The following TPM4 variants were observed in gnomAD, a reference collection of about 807,000 sequenced individuals.
TPM4 encodes the protein tropomyosin alpha-4 chain.
A neutral mutation model predicts 35.8 loss-of-function variants in TPM4; 17 were observed. The observed-to-expected ratio is 0.47, with a 90% CI of 0.32 to 0.71. The LOEUF (loss-of-function observed/expected upper bound fraction) is 0.71. TPM4 is among the 30% of genes least tolerant of loss of function. The pLI, the probability that TPM4 is intolerant of heterozygous loss-of-function variation, is 0.03. For missense variants in TPM4, 240 were observed against 320.9 expected (o/e 0.75, Z 1.93); for synonymous variants, 120 against 122.9 (o/e 0.98, Z 0.15).
chr19:16,067,719 C>T lies in TPM4; in HGVS notation c.95C>T (p.Ala32Val). ...CAGGCGGAGGCGGATAAGAAAGCCGCTGAGGACAAGTGCAAGCAGGTGAGG... is the reference window on the plus strand; with the variant it reads ...CAGGCGGAGGCGGATAAGAAAGCCGTTGAGGACAAGTGCAAGCAGGTGAGG... Residue 32 changes from alanine (A) to valine (V), a missense_variant, in exon 2 of 3, where the codon GCT becomes GTT. Transcript: ENST00000589897. This position sits in a 1 kb window ranked among gnomAD's most constrained non-coding sequence, Gnocchi z 4.1. 6 of 1,613,102 alleles carry T rather than the reference C, an allele frequency of 3.7e-6. No individual in the cohort carries two copies. Among genetic ancestry groups the T allele is most frequent in the Non-Finnish European group, 5.1e-6 (6 of 1,179,786 alleles).
chr19:16,076,875 C>T (rs560605310), intron 1 of TPM4, 178 bp downstream of exon 1: 3 of 1,217,560 alleles, frequency 2.5e-6, no homozygotes, highest in African/African-American at 3.2e-5. Context: ...CTACTTCCTC[C>T]GCCGTCCTCC....
At chr19:16,071,117 T>C (rs1381293618) in intron 2 of TPM4, among the ~76,000 whole-genome samples, 1 of 152,170 alleles carries the variant, frequency 6.6e-6, no homozygotes, top group Non-Finnish European at 1.5e-5. Flanking sequence ...AGACTTGGGC[T>C]CAAAGCAAGT....
chr19:16,080,235 C>G (rs1407648108), intron 1 of TPM4: 1 of 203,646 alleles, frequency 4.9e-6, no homozygotes, highest in Non-Finnish European at 1.0e-5. Context: ...AGAGGCCATT[C>G]ATTTCTTACC....
chr19:16,090,532 T>A (rs990463847), intron 5 of TPM4, among the ~76,000 whole-genome samples: 1 of 151,594 alleles, frequency 6.6e-6, no homozygotes, highest in African/African-American at 2.4e-5. Flanking sequence ...GGGATTACTT[T>A]GGGAGGCCGC....
intron 1 of TPM4, chr19:16,080,894 A>G (rs2144927795): frequency 2.5e-6 from 1 of 396,488 alleles, no homozygotes; most frequent in East Asian, 3.6e-5. Flanking sequence ...AATGCTTCCC[A>G]TTGTACTTCC....
At chr19:16,083,330 C>T (rs2090507824) in intron 2 of TPM4, among the ~76,000 whole-genome samples, 1 of 152,022 alleles carries the variant, frequency 6.6e-6, no homozygotes, top group African/African-American at 2.4e-5. Flanking sequence ...TGTAATCCCA[C>T]CTACTCAGGA....
intron 5 of TPM4, 85 bp from the exon 6 acceptor site, chr19:16,093,451 C>T: frequency 6.6e-7 from 1 of 1,513,884 alleles, no homozygotes; most frequent in African/African-American, 1.4e-5. Context: ...GCCTCAGGCT[C>T]CCAAAGTGCC....
chr19:16,086,305 G>T lies in TPM4; in HGVS notation c.267-118G>T, dbSNP rs550857006. Reference sequence around the variant, plus strand: ...GTGGAGGTTGCAGTGAGCTGAGATCGTGCCACTGCACTCCAGCCTGGATGA... The same window carrying T: ...GTGGAGGTTGCAGTGAGCTGAGATCTTGCCACTGCACTCCAGCCTGGATGA... On this transcript the variant is annotated intron_variant, in intron 2 of 7. Transcript: ENST00000643579. 4.7e-6 allele frequency: 4 copies of T among 849,328 alleles called. No homozygotes were observed. The African/African-American group carries it at 7.0e-5, about 15-fold the overall frequency. The allele number at this position is 849,328 out of a possible 1,614,324, so 52.6% of individuals were successfully genotyped here. A position where few individuals can be genotyped will look rare whatever the true frequency, so the allele number is the denominator to read the frequency against.
At chr19:16,079,030 G>T (rs1235885341) in intron 1 of TPM4, among the ~76,000 whole-genome samples, 2 of 152,086 alleles carry the variant, frequency 1.3e-5, no homozygotes, top group African/African-American at 4.8e-5. Context: ...CGTGTGGAAG[G>T]CTTTGATTGC....
chr19:16,070,386 C>A lies in TPM4; in HGVS notation c.114+2648C>A, dbSNP rs925839739. Among the ~76,000 whole-genome samples the A allele has an allele frequency of 3.9e-5, 6 of 152,160 alleles. No individual in the cohort carries two copies. Among genetic ancestry groups the A allele is most frequent in the African/African-American group, 1.4e-4 (6 of 41,420 alleles). On this transcript the variant is annotated intron_variant, in intron 2 of 2. Transcript: ENST00000589897. The surrounding 1 kb of genome is among the most constrained non-coding windows in gnomAD (Gnocchi z 7.4). ...ATGTTCCCCACAATGTTTATCCACA[C>A]CCCGATGTCAACTGCCAAGCCCTGG...
chr19:16,098,483 A>C (rs1379935777), intron 7 of TPM4, among the ~76,000 whole-genome samples: 1 of 152,150 alleles, frequency 6.6e-6, no homozygotes, highest in African/African-American at 2.4e-5. Flanking sequence ...GATTAGCACT[A>C]TGGAGGTCTA....
At chr19:16,088,225 G>T in intron 4 of TPM4, 128 bp downstream of exon 4, 2 of 1,441,034 alleles carry the variant, frequency 1.4e-6, no homozygotes, top group African/African-American at 1.4e-5. Flanking sequence ...AGGGGCTCAT[G>T]GCTCATCTTT....
Position 16,081,902 on chromosome 19 carries a change from G to A in TPM4, c.133-11G>A, listed in dbSNP as rs951672870. ...TACTTCTTAACATGGCTGCACCTCC[G>A]ACCTCCCCAGGCTGAAGGTGATGTG... On this transcript the variant is annotated splice_polypyrimidine_tract_variant and intron_variant, in intron 1 of 7. Transcript: ENST00000643579. 1.1e-5 allele frequency: 18 copies of A among 1,581,824 alleles called. No homozygotes were observed. The highest frequency in any genetic ancestry group is 1.9e-4 in the Middle Eastern group (1 of 5,138).
rs892059398 is a variant in TPM4 at position 16,087,878 on chromosome 19, C to T, written c.385-149C>T. ...CCTGGGCAACAGAGGGAGACTCCGT[C>T]CCCCTGCAAAAAAAAGAAACACCAG... On this transcript the variant is annotated intron_variant, in intron 3 of 7. Coordinates refer to ENST00000643579, the MANE Select transcript of TPM4 (RefSeq NM_003290.3). 2.2e-5 allele frequency: 17 copies of T among 775,108 alleles called. No individual in the cohort carries two copies. The African/African-American group carries it at 2.8e-4, about 13-fold the overall frequency. 48.0% of individuals were successfully genotyped at this position (775,108 alleles called of 1,614,324 possible). A position where few individuals can be genotyped will look rare whatever the true frequency, so the allele number is the denominator to read the frequency against.
intron 3 of TPM4, among the ~76,000 whole-genome samples, chr19:16,087,405 T>C (rs1048569523): frequency 3.3e-5 from 5 of 151,716 alleles, no homozygotes; most frequent in Admixed American, 2.0e-4. Flanking sequence ...GGTGAAACCC[T>C]GTCTCTACAA....
intron 1 of TPM4, chr19:16,079,659 T>C (rs1294363117): frequency 1.5e-4 from 32 of 210,820 alleles, no homozygotes; most frequent in East Asian, 1.1e-3. Context: ...TATTTTTTTT[T>C]CCCCCAGTAT....
chr19:16,088,939 G>T (rs940536339), intron 4 of TPM4, 106 bp from the exon 5 acceptor site: 3 of 1,564,296 alleles, frequency 1.9e-6, no homozygotes, highest in East Asian at 2.4e-5. Flanking sequence ...CCCCCACCGG[G>T]GGAGCTGTGT....
chr19:16,102,271 G>A lies in TPM4; in HGVS notation c.*925G>A, dbSNP rs1175094102. The A allele has an allele frequency of 1.6e-5, 3 of 190,990 alleles. No homozygotes were observed. Among genetic ancestry groups the A allele is most frequent in the East Asian group, 8.3e-5 (1 of 12,080 alleles). The allele number at this position is 190,990 out of a possible 1,614,324, so 11.8% of individuals were successfully genotyped here. ...GGAGGATCGCTTGAACCCAGGAAGT[G>A]GAGACTGCAGTGAGCCGATATCGCA... On this transcript the variant is annotated 3_prime_UTR_variant, in exon 8 of 8. Coordinates refer to ENST00000643579, the MANE Select transcript of TPM4 (RefSeq NM_003290.3).
intron 1 of TPM4, chr19:16,080,090 C>T (rs1311996340): frequency 3.6e-5 from 7 of 193,242 alleles, no homozygotes; most frequent in East Asian, 1.6e-4. Flanking sequence ...CTTTTCCTCT[C>T]GGTTGAGGCC....
Sources: allele counts gnomAD v4.1 joint callset (sites outside exome capture counted in the v4.1 genomes callset), GRCh38; gene constraint gnomAD v4.1.1; non-coding constraint Gnocchi (gnomAD v3.1); transcripts MANE v1.5; gene names NCBI Gene and HGNC (gene_info 2026-07-23, HGNC 2026-07-21).